Variants in PRPH2 observed in about 807,000 individuals in gnomAD.
PRPH2 encodes the protein peripherin-2.
Under a neutral mutation model 31.3 loss-of-function variants are expected in PRPH2, and 17 were observed. The observed-to-expected ratio is 0.54, with a 90% CI of 0.37 to 0.81. The LOEUF is 0.81. Ranked by LOEUF, PRPH2 falls within the 40% of genes least tolerant of loss-of-function variation. The pLI, the probability that PRPH2 is intolerant of heterozygous loss-of-function variation, is 0.00. For synonymous variants in PRPH2, 165 were observed against 184.4 expected, an observed-to-expected ratio of 0.89 and a Z score of 0.85; for missense variants, 430 against 439.7, an observed-to-expected ratio of 0.98 and a Z score of 0.20.
chr6:42,697,156 C>T lies in PRPH2; in HGVS notation c.*1139G>A, dbSNP rs972319434. On this transcript the variant is annotated 3_prime_UTR_variant, in exon 3 of 3. Transcript: ENST00000230381. ...CTTGGGAAGTCAGCAAAATCATTCT[C>T]TCCTTCCCCTGAAAGCTTCTCTTTC... 1 of 152,164 alleles carries T rather than the reference C, an allele frequency of 6.6e-6. No homozygotes were observed. The highest frequency in any genetic ancestry group is 2.4e-5 in the African/African-American group (1 of 41,422). The allele number at this position is 152,164 out of a possible 1,614,324, so 9.4% of individuals were successfully genotyped here.
rs1799971659 is a variant in PRPH2 at position 42,697,745 on chromosome 6, A to T, written c.*550T>A. On this transcript the variant is annotated 3_prime_UTR_variant, in exon 3 of 3. Transcript: ENST00000230381. ...AATGCCTTAAGAGTCCATTATTCTT[A>T]GAAAAGCGTAACTTTCCCCCAACTT... The T allele has an allele frequency of 6.4e-6, 1 of 155,784 alleles. No homozygotes were observed. The highest frequency in any genetic ancestry group is 1.4e-5 in the Non-Finnish European group (1 of 70,336). The allele number at this position is 155,784 out of a possible 1,614,324, so 9.7% of individuals were successfully genotyped here.
At chr6:42,699,298 A>G (rs414040) in intron 2 of PRPH2, among the ~76,000 whole-genome samples, 116,861 of 151,498 alleles carry the variant, frequency 0.77, 45,171 homozygotes, top group East Asian at 0.86. Flanking sequence ...TCCTGGCCTC[A>G]AGATCCACCC....
At chr6:42,716,612 G>GTTTTTTTTTTTTTTTTTTTTTTT (rs145765747) in intron 1 of PRPH2, among the ~76,000 whole-genome samples, 1 of 111,570 alleles carries the variant, frequency 9.0e-6, no homozygotes, top group Non-Finnish European at 1.8e-5. Flanking sequence ...GGTTTGGTTG[G>GTTTTTTTTTTTTTTTTTTTTTTT]TTTTTTTTTT....
chr6:42,710,137 T>A lies in PRPH2; in HGVS notation c.582-5526A>T, dbSNP rs6915637. Among the ~76,000 whole-genome samples, 7 of 152,048 alleles carry A rather than the reference T, an allele frequency of 4.6e-5. No homozygotes were observed. The South Asian group carries it at 8.3e-4, about 18-fold the overall frequency. On this transcript the variant is annotated intron_variant, in intron 1 of 2. Coordinates refer to ENST00000230381, the MANE Select transcript of PRPH2 (RefSeq NM_000322.5). ...TGTCTCCCCTCACACTGGGGCTCCC[T>A]GAGTCAGGGCTGTGTCTCCCCCTCA...
At chr6:42,706,459 G>T (rs538466667) in intron 1 of PRPH2, among the ~76,000 whole-genome samples, 2 of 150,098 alleles carry the variant, frequency 1.3e-5, no homozygotes, top group African/African-American at 4.9e-5. Flanking sequence ...AAAAAAATTA[G>T]CCAGGCGTTG....
chr6:42,706,571 A>C (rs1800168334), intron 1 of PRPH2, among the ~76,000 whole-genome samples: 1 of 147,806 alleles, frequency 6.8e-6, no homozygotes, highest in African/African-American at 2.5e-5. Context: ...CGCCAGTGAG[A>C]CTCTGTCTCA....
chr6:42,719,239 G>A (rs1761850074), intron 1 of PRPH2, among the ~76,000 whole-genome samples: 1 of 150,618 alleles, frequency 6.6e-6, no homozygotes, highest in African/African-American at 2.4e-5. Flanking sequence ...CAAGATCTCG[G>A]CTCACTGCAA....
In PRPH2 at chr6:42,722,086, G is replaced by A. The variant is rs61755775; in HGVS notation, c.249C>T (p.Tyr83=). The A allele has an allele frequency of 7.6e-4, 1,230 of 1,614,160 alleles. 2 individuals are homozygous for A. The highest frequency in any genetic ancestry group is 1.3e-3 in the Middle Eastern group (8 of 6,062). Residue 83 remains tyrosine (Y), a synonymous_variant, in exon 1 of 3, where the codon TAC becomes TAT. Coordinates refer to ENST00000230381, the MANE Select transcript of PRPH2 (RefSeq NM_000322.5). This position sits in a 1 kb window ranked among gnomAD's most constrained non-coding sequence, Gnocchi z 4.4. ...CATACTTGGCTGGGTCCAGGGCGTCGTAGCAGATCTTCCCAGCCAGCGAGT... is the reference window on the plus strand; with the variant it reads ...CATACTTGGCTGGGTCCAGGGCGTCATAGCAGATCTTCCCAGCCAGCGAGT... ...VFNSLAGKIC[Y]DALDPAKYAR...
intron 1 of PRPH2, among the ~76,000 whole-genome samples, chr6:42,719,816 G>T (rs183925134): frequency 2.0e-5 from 3 of 151,108 alleles, no homozygotes; most frequent in African/African-American, 4.9e-5. Context: ...TGATCCGCCC[G>T]CCTCGGCCTC....
Position 42,720,245 on chromosome 6 carries a change from A to G in PRPH2, c.581+1509T>C, listed in dbSNP as rs542825740. Among the ~76,000 whole-genome samples, 27 of 152,290 alleles carry G rather than the reference A, an allele frequency of 1.8e-4. No homozygotes were observed. The South Asian group carries it at 4.1e-3, about 23-fold the overall frequency. ...TTTGGAGTTACCGAGAGATTTGAAT[A>G]CATCTGTCCAAGAACTGACTCTATG... is the stretch of plus-strand genomic sequence containing the variant. On this transcript the variant is annotated intron_variant, in intron 1 of 2. Coordinates refer to ENST00000230381, the MANE Select transcript of PRPH2 (RefSeq NM_000322.5).
At chr6:42,705,599 A>AAATATATATAT (rs1562424252) in intron 1 of PRPH2, among the ~76,000 whole-genome samples, 1 of 21,584 alleles carries the variant, frequency 4.6e-5, no homozygotes, top group Non-Finnish European at 8.4e-5. Flanking sequence ...AAAAAAAAAA[A>AAATATATATAT]ATATATATAT....
chr6:42,710,064 C>T lies in PRPH2; in HGVS notation c.582-5453G>A, dbSNP rs191852639. ...GCGGACATTCCCCGTCTCCCCACCT[C>T]GCCTCCCTGAGCCCCCAGACAAGTC... On this transcript the variant is annotated intron_variant, in intron 1 of 2. Transcript: ENST00000230381. 3.4e-3 allele frequency among the ~76,000 whole-genome samples: 525 copies of T among 152,300 alleles called. 4 individuals carry two copies. The highest frequency in any genetic ancestry group is 0.012 in the African/African-American group (503 of 41,568).
chr6:42,700,934 C>CCACT (rs1800034087), intron 2 of PRPH2, among the ~76,000 whole-genome samples: 1 of 152,036 alleles, frequency 6.6e-6, no homozygotes, highest in Non-Finnish European at 1.5e-5. Flanking sequence ...AAAGGTGGGG[C>CCACT]CACTAAGAGG....
At chr6:42,699,146 G>C (rs1317203598) in intron 2 of PRPH2, among the ~76,000 whole-genome samples, 3 of 150,614 alleles carry the variant, frequency 2.0e-5, no homozygotes, top group Non-Finnish European at 4.4e-5. Flanking sequence ...TCTATCTCCT[G>C]TGTTCAAGGA....
In PRPH2 at chr6:42,722,580, T is replaced by G; in HGVS notation, c.-246A>C. ...AGTCCTGGTCCTGGGCGTTGTTTCT[T>G]CAGCGCCCTTCCCAGCCAAGAAGGG... On this transcript the variant is annotated 5_prime_UTR_variant, in exon 1 of 3. Transcript: ENST00000230381. The surrounding 1 kb of genome is among the most constrained non-coding windows in gnomAD (Gnocchi z 4.4). The G allele has an allele frequency of 7.2e-7, 1 of 1,393,580 alleles. No individual in the cohort carries two copies. Among genetic ancestry groups the G allele is most frequent in the South Asian group, 1.5e-5 (1 of 66,036 alleles). The allele number at this position is 1,393,580 out of a possible 1,614,324, so 86.3% of individuals were successfully genotyped here.
At chr6:42,707,758 T>C (rs951912592) in intron 1 of PRPH2, among the ~76,000 whole-genome samples, 2 of 152,266 alleles carry the variant, frequency 1.3e-5, no homozygotes, top group South Asian at 4.1e-4. Flanking sequence ...TGAGGTGGCC[T>C]GGGTCATGGC....
At chr6:42,703,070 C>T (rs1017035150) in intron 2 of PRPH2, among the ~76,000 whole-genome samples, 1 of 151,096 alleles carries the variant, frequency 6.6e-6, no homozygotes, top group Admixed American at 6.6e-5. Context: ...CTGCATGTGC[C>T]TATAGTCCTA....
chr6:42,708,052 G>A (rs1014875661), intron 1 of PRPH2, among the ~76,000 whole-genome samples: 1 of 152,198 alleles, frequency 6.6e-6, no homozygotes, highest in Non-Finnish European at 1.5e-5. Flanking sequence ...TAGTAGCCAT[G>A]CGCTGTGAGC....
chr6:42,704,647 CG>C, intron 1 of PRPH2, 36 bp from the exon 2 acceptor site: 1 of 1,613,976 alleles, frequency 6.2e-7, no homozygotes. Context: ...ATGGGCTTCC[CG>C]GGCTTCTCAA....
Sources: gnomAD v4.1 joint callset for allele counts (sites outside exome capture counted in the v4.1 genomes callset) on GRCh38, gnomAD v4.1.1 for gene constraint, Gnocchi (gnomAD v3.1) non-coding constraint, MANE v1.5 for transcripts, NCBI Gene and HGNC (gene_info 2026-07-23, HGNC 2026-07-21) for gene names.